The following WDR70 variants were observed in gnomAD, a reference collection of about 807,000 sequenced individuals.
WDR70 encodes the protein WD repeat domain 70.
In WDR70, 53 loss-of-function variants were observed where a neutral mutation model predicts 88.6. The observed-to-expected ratio is 0.60, with a 90% CI of 0.48 to 0.75. The LOEUF (loss-of-function observed/expected upper bound fraction) is 0.75, where lower values mean the gene tolerates loss of function less well. Among genes scored for constraint, WDR70 ranks in the 30% least tolerant of loss-of-function variants. The pLI is 0.00. For synonymous variants in WDR70, 280 were observed against 270.0 expected (o/e 1.04, Z -0.36); for missense variants, 610 against 823.2 (o/e 0.74, Z 3.17).
chr5:37,748,122 G>C (rs1748688110), intron 17 of WDR70, among the ~76,000 whole-genome samples: 1 of 152,178 alleles, frequency 6.6e-6, no homozygotes, highest in African/African-American at 2.4e-5. Flanking sequence ...ATTCTTCACA[G>C]AATTAGAAAA....
At chr5:37,721,022 T>C in intron 13 of WDR70, 93 bp from the exon 14 acceptor site, 2 of 1,021,620 alleles carry the variant, frequency 2.0e-6, no homozygotes, top group South Asian at 1.4e-5. Context: ...CAGGATGATA[T>C]TTGATATAGT....
chr5:37,692,742 A>C (rs1455652051), intron 10 of WDR70, among the ~76,000 whole-genome samples: 1 of 152,220 alleles, frequency 6.6e-6, no homozygotes, highest in African/African-American at 2.4e-5. Flanking sequence ...ATTTATGACA[A>C]ATCCATAGCC....
chr5:37,435,856 A>G (rs1046037297), intron 5 of WDR70, among the ~76,000 whole-genome samples: 1 of 152,128 alleles, frequency 6.6e-6, no homozygotes, highest in Non-Finnish European at 1.5e-5. Context: ...ATTCATTTCT[A>G]AAACCTCTCT....
chr5:37,650,392 G>C (rs996683999), intron 10 of WDR70, among the ~76,000 whole-genome samples: 4 of 151,708 alleles, frequency 2.6e-5, no homozygotes, highest in African/African-American at 9.7e-5. Flanking sequence ...CAGAGTGAGA[G>C]TCCGTCAAAA....
At chr5:37,446,518 C>G (rs975731699) in intron 7 of WDR70, among the ~76,000 whole-genome samples, 4 of 152,190 alleles carry the variant, frequency 2.6e-5, no homozygotes. Flanking sequence ...CTGGAGGCAT[C>G]ATGCTACCTG....
In WDR70 at chr5:37,379,565, GC is replaced by G. The variant is rs1309607539; in HGVS notation, c.91+15del. On this transcript the variant is annotated intron_variant, in intron 2 of 17. Coordinates refer to ENST00000265107, the MANE Select transcript of WDR70 (RefSeq NM_018034.4). Reference sequence around the variant, plus strand: ...GCTTCACGGGGTTCGGTGAGTGACTGCCCCAGGCAGAGACCCTCTTCCTTGT... The same window carrying G: ...GCTTCACGGGGTTCGGTGAGTGACTGCCCAGGCAGAGACCCTCTTCCTTGT... 1.2e-6 allele frequency: 2 copies of G among 1,613,680 alleles called. No homozygotes were observed. Among genetic ancestry groups the G allele is most frequent in the African/African-American group, 1.3e-5 (1 of 74,924 alleles).
At chr5:37,396,650 C>G (rs1345003873) in intron 5 of WDR70, 80 bp downstream of exon 5, 3 of 1,446,216 alleles carry the variant, frequency 2.1e-6, no homozygotes, top group Admixed American at 2.6e-5. Context: ...AACTGTTTTT[C>G]ATGAGTAAGA....
intron 9 of WDR70, among the ~76,000 whole-genome samples, chr5:37,550,703 C>T (rs1165870567): frequency 6.6e-6 from 1 of 152,114 alleles, no homozygotes; most frequent in South Asian, 2.1e-4. Context: ...CACTCCATGT[C>T]TTTTGATTGG....
intron 8 of WDR70, among the ~76,000 whole-genome samples, chr5:37,480,209 G>A (rs1353599802): frequency 6.6e-6 from 1 of 152,140 alleles, no homozygotes; most frequent in Non-Finnish European, 1.5e-5. Flanking sequence ...CAGATGGTTT[G>A]CAGTCAGTGT....
At chr5:37,386,306 G>T (rs1164186134) in intron 3 of WDR70, among the ~76,000 whole-genome samples, 1 of 152,132 alleles carries the variant, frequency 6.6e-6, no homozygotes, top group African/African-American at 2.4e-5. Context: ...TTTGAACAAG[G>T]ATTGTCTTGT....
intron 10 of WDR70, among the ~76,000 whole-genome samples, chr5:37,675,230 T>G (rs1380245827): frequency 6.6e-6 from 1 of 152,108 alleles, no homozygotes; most frequent in South Asian, 2.1e-4. Context: ...AGAAGCTCTT[T>G]AGTTTAATTA....
At chr5:37,474,277 C>T (rs567283491) in intron 7 of WDR70, among the ~76,000 whole-genome samples, 1 of 152,252 alleles carries the variant, frequency 6.6e-6, no homozygotes, top group South Asian at 2.1e-4. Context: ...TATTTGTATA[C>T]TTGACTGCAT....
intron 9 of WDR70, 68 bp from the exon 10 acceptor site, chr5:37,604,996 C>T: frequency 7.1e-7 from 1 of 1,402,034 alleles, no homozygotes; most frequent in Non-Finnish European, 9.4e-7. Flanking sequence ...TGGACTCTTC[C>T]CTATTTTAAC....
At chr5:37,476,913 T>G (rs1341504189) in intron 7 of WDR70, among the ~76,000 whole-genome samples, 1 of 152,208 alleles carries the variant, frequency 6.6e-6, no homozygotes, top group East Asian at 1.9e-4. Flanking sequence ...CATAGCTCAT[T>G]GCATAGCTGG....
intron 10 of WDR70, among the ~76,000 whole-genome samples, chr5:37,656,050 C>T (rs1745545024): frequency 8.6e-6 from 1 of 115,718 alleles, no homozygotes; most frequent in Admixed American, 9.2e-5. Flanking sequence ...GCCTTTTTGC[C>T]CTGGTTTTTT....
intron 5 of WDR70, among the ~76,000 whole-genome samples, chr5:37,411,523 C>T (rs1042394395): frequency 2.0e-5 from 3 of 151,952 alleles, no homozygotes; most frequent in African/African-American, 7.3e-5. Context: ...GTCATGAGTT[C>T]AAGACCAACC....
intron 13 of WDR70, among the ~76,000 whole-genome samples, chr5:37,715,840 ATC>A (rs1458289243): frequency 1.3e-5 from 2 of 151,646 alleles, no homozygotes; most frequent in Admixed American, 6.6e-5. Context: ...TTTTGTTTTT[ATC>A]TGTTTTCTTT....
chr5:37,571,680 C>T (rs923834622), intron 9 of WDR70, among the ~76,000 whole-genome samples: 1 of 152,116 alleles, frequency 6.6e-6, no homozygotes, highest in East Asian at 1.9e-4. Context: ...GATAGATAGA[C>T]AGATAGATGC....
At chr5:37,617,535 A>G (rs1744379526) in intron 10 of WDR70, among the ~76,000 whole-genome samples, 1 of 152,232 alleles carries the variant, frequency 6.6e-6, no homozygotes, top group Non-Finnish European at 1.5e-5. Context: ...TTCTCTTGCC[A>G]CTGGAATATG....
Sources: allele counts gnomAD v4.1 joint callset (sites outside exome capture counted in the v4.1 genomes callset), GRCh38; gene constraint gnomAD v4.1.1; transcripts MANE v1.5; gene names NCBI Gene and HGNC (gene_info 2026-07-23, HGNC 2026-07-21).